The following IVNS1ABP variants were observed in gnomAD, a reference collection of about 807,000 sequenced individuals.
IVNS1ABP encodes the protein influenza virus NS1A-binding protein.
A neutral mutation model predicts 78.9 loss-of-function variants in IVNS1ABP; 25 were observed. The observed-to-expected ratio is 0.32, with a 90% CI of 0.23 to 0.44. The LOEUF (loss-of-function observed/expected upper bound fraction) is 0.44. Among genes scored for constraint, IVNS1ABP ranks in the 20% least tolerant of loss-of-function variants. The pLI is 1.00. For synonymous variants in IVNS1ABP, 241 were observed against 259.7 expected, an observed-to-expected ratio of 0.93 and a Z score of 0.69; for missense variants, 494 against 768.9, an observed-to-expected ratio of 0.64 and a Z score of 4.23.
rs1665428746 is a variant in IVNS1ABP, at chr1:185,296,736, C to T, written c.*1299G>A. ...CCCATTAGGTTCCTGTGTGCTTCAT[C>T]TTCTGTGAGAAAAAAAAACCTTATA... On this transcript the variant is annotated 3_prime_UTR_variant, in exon 15 of 15. Transcript: ENST00000367498. The T allele has an allele frequency of 6.6e-6, 1 of 151,994 alleles. No homozygotes were observed. Among genetic ancestry groups the T allele is most frequent in the East Asian group, 1.9e-4 (1 of 5,176 alleles). 9.4% of individuals were successfully genotyped at this position (151,994 alleles called of 1,614,324 possible). A position where few individuals can be genotyped will look rare whatever the true frequency, so the allele number is the denominator to read the frequency against.
Position 185,305,611 on chromosome 1 carries a change from C to A in IVNS1ABP, c.690G>T (p.Lys230Asn). 1 of 1,613,292 alleles carries A rather than the reference C, an allele frequency of 6.2e-7. No homozygotes were observed. Among genetic ancestry groups the A allele is most frequent in the Non-Finnish European group, 8.5e-7 (1 of 1,179,538 alleles). Residue 230 changes from lysine to asparagine, a missense_variant, in exon 8 of 15, where the codon AAG (lysine) becomes AAT (asparagine). Transcript: ENST00000367498. The surrounding 1 kb of genome is among the most constrained non-coding windows in gnomAD (Gnocchi z 4.0). ...CATCTAGTAGGTTCCCATCAAGCAG[C>A]TTGTGATCAGCTGAGTAGTACAAGG... is the stretch of plus-strand genomic sequence containing the variant. ...VQTLYYSADH[K>N]LLDGNLLDGQ...
At position 185,305,821 on chromosome 1, in the gene IVNS1ABP, A is replaced by C; in HGVS notation, c.658-178T>G. 1.5e-6 allele frequency: 1 copy of C among 670,902 alleles called. No homozygotes were observed. The highest frequency in any genetic ancestry group is 3.5e-5 in the Admixed American group (1 of 28,580). 41.6% of individuals were successfully genotyped at this position (670,902 alleles called of 1,614,324 possible). A position where few individuals can be genotyped will look rare whatever the true frequency, so the allele number is the denominator to read the frequency against. ...ACATGTCATGGTGGTAAAAATTAAAAAACAAAAACAAAAAACCAAAATCAA... is the reference window on the plus strand; with the variant it reads ...ACATGTCATGGTGGTAAAAATTAAACAACAAAAACAAAAAACCAAAATCAA... On this transcript the variant is annotated intron_variant, in intron 7 of 14. Coordinates refer to ENST00000367498, the MANE Select transcript of IVNS1ABP (RefSeq NM_006469.5). This position sits in a 1 kb window ranked among gnomAD's most constrained non-coding sequence, Gnocchi z 4.0.
chr1:185,309,353 T>C (rs770607384), intron 3 of IVNS1ABP, 30 bp downstream of exon 3: 2 of 1,445,072 alleles, frequency 1.4e-6, no homozygotes, highest in South Asian at 2.5e-5. Flanking sequence ...AATAAAAAAT[T>C]CTATAAATTT....
rs1352990343 is a variant in IVNS1ABP, at chr1:185,309,056, A to G, written c.228T>C (p.Asp76=). 3 of 1,613,240 alleles carry G rather than the reference A, an allele frequency of 1.9e-6. No individual in the cohort carries two copies. The highest frequency in any genetic ancestry group is 2.2e-5 in the East Asian group (1 of 44,850). The change falls in exon 4 of 15, where the codon GAT becomes GAC. Residue 76 remains aspartate, a synonymous_variant. Coordinates refer to ENST00000367498, the MANE Select transcript of IVNS1ABP (RefSeq NM_006469.5). ...DPHGISHVKF[D]DLNPEAVEVL... ...CTTCAACAGCTTCTGGATTGAGATC[A>G]TCAAATTTAACGTGAGAAATTCCAT...
intron 2 of IVNS1ABP, among the ~76,000 whole-genome samples, chr1:185,310,642 A>G (rs1665861672): frequency 6.6e-6 from 1 of 152,100 alleles, no homozygotes; most frequent in Non-Finnish European, 1.5e-5. Flanking sequence ...AGGGAGGCCA[A>G]GGCAAGAAGA....
rs1372935861 is a variant in IVNS1ABP at position 185,305,229 on chromosome 1, CACAA to C, written c.765+303_765+306del. 6.6e-6 allele frequency among the ~76,000 whole-genome samples: 1 copy of C among 152,154 alleles called. No homozygotes were observed. Among genetic ancestry groups the C allele is most frequent in the Non-Finnish European group, 1.5e-5 (1 of 68,018 alleles). On this transcript the variant is annotated intron_variant, in intron 8 of 14. Transcript: ENST00000367498. This position sits in a 1 kb window ranked among gnomAD's most constrained non-coding sequence, Gnocchi z 4.0. ...AAAAAAAACTATCAGTCATGCCTGA[CACAA>C]ACAACTGCTTTTCATAATCTTCCCA...
chr1:185,316,715 G>A (rs903434717), intron 1 of IVNS1ABP, among the ~76,000 whole-genome samples: 8 of 152,172 alleles, frequency 5.3e-5, no homozygotes, highest in South Asian at 4.1e-4. Context: ...GGCGACCGGC[G>A]CCCGCTCTCG....
intron 1 of IVNS1ABP, among the ~76,000 whole-genome samples, chr1:185,315,946 C>G (rs1313835812): frequency 2.0e-5 from 3 of 152,180 alleles, no homozygotes; most frequent in African/African-American, 2.4e-5. Context: ...TTTTGGACAT[C>G]TGATTTCTCC....
intron 8 of IVNS1ABP, among the ~76,000 whole-genome samples, chr1:185,301,925 AT>A (rs1665612816): frequency 6.6e-6 from 1 of 152,170 alleles, no homozygotes; most frequent in Non-Finnish European, 1.5e-5. Context: ...AATAGTGTGA[AT>A]TAACAGAGAA....
chr1:185,311,611 C>G (rs1306101547), intron 1 of IVNS1ABP, among the ~76,000 whole-genome samples: 1 of 150,848 alleles, frequency 6.6e-6, no homozygotes, highest in East Asian at 1.9e-4. Context: ...GACTACAAAA[C>G]AAATGTCAAT....
chr1:185,301,273 A>G, intron 9 of IVNS1ABP, 77 bp from the exon 10 acceptor site: 1 of 1,414,728 alleles, frequency 7.1e-7, no homozygotes, highest in Non-Finnish European at 9.9e-7. Flanking sequence ...ATTGGACTCC[A>G]GTCTCCACAT....
Position 185,300,346 on chromosome 1 carries a change from A to G in IVNS1ABP, c.1243-3T>C, listed in dbSNP as rs752990930. ...CCACCTACCACATAGAGCTGGCCCTATGCCAAAAGTGAGAGATGAGAATTT... is the reference window on the plus strand; with the variant it reads ...CCACCTACCACATAGAGCTGGCCCTGTGCCAAAAGTGAGAGATGAGAATTT... On this transcript the variant is annotated splice_polypyrimidine_tract_variant and splice_region_variant and intron_variant, in intron 11 of 14. Transcript: ENST00000367498. The G allele has an allele frequency of 3.7e-6, 6 of 1,613,302 alleles. No individual in the cohort carries two copies. The African/African-American group carries it at 5.3e-5, about 14-fold the overall frequency.
chr1:185,304,447 C>G (rs998865074), intron 8 of IVNS1ABP, among the ~76,000 whole-genome samples: 2 of 152,124 alleles, frequency 1.3e-5, no homozygotes, highest in African/African-American at 4.8e-5. Context: ...TATTCACTCA[C>G]TGTTGCCACA....
intron 8 of IVNS1ABP, among the ~76,000 whole-genome samples, chr1:185,303,432 C>A (rs1038359937): frequency 9.2e-5 from 14 of 152,002 alleles, no homozygotes; most frequent in South Asian, 2.1e-4. Flanking sequence ...CTAATGGCTT[C>A]TTCTCAACCT....
chr1:185,309,791 T>TGAAGG (rs151087648), intron 2 of IVNS1ABP, among the ~76,000 whole-genome samples: 2,439 of 152,204 alleles, frequency 0.016, 27 homozygotes, highest in South Asian at 0.062. Context: ...AAATTCATTC[T>TGAAGG]GAAGGGAAGG....
rs1183107524 is a variant in IVNS1ABP at position 185,305,204 on chromosome 1, A to T, written c.765+332T>A. 7.9e-5 allele frequency among the ~76,000 whole-genome samples: 12 copies of T among 152,088 alleles called. 1 individual carries two copies. In the South Asian group the frequency reaches 1.7e-3, roughly 21 times the overall value. ...AATTTAAGTCCCCCTGCCCCTTTTT[A>T]AAAAAAACTATCAGTCATGCCTGAC... On this transcript the variant is annotated intron_variant, in intron 8 of 14. Transcript: ENST00000367498. The surrounding 1 kb of genome is among the most constrained non-coding windows in gnomAD (Gnocchi z 4.0).
Position 185,297,206 on chromosome 1 carries a change from A to G in IVNS1ABP, c.*829T>C, listed in dbSNP as rs1665443227. The G allele has an allele frequency of 6.6e-6, 1 of 152,164 alleles. No homozygotes were observed. The highest frequency in any genetic ancestry group is 2.4e-5 in the African/African-American group (1 of 41,450). The allele number at this position is 152,164 out of a possible 1,614,324, so 9.4% of individuals were successfully genotyped here. A position where few individuals can be genotyped will look rare whatever the true frequency, so the allele number is the denominator to read the frequency against. ...ATAAAACACCATTTTTTACTGCTAT[A>G]TAATGTCTTGCTATATAAAACATAC... On this transcript the variant is annotated 3_prime_UTR_variant, in exon 15 of 15. Coordinates refer to ENST00000367498, the MANE Select transcript of IVNS1ABP (RefSeq NM_006469.5).
rs1335135353 is a variant in IVNS1ABP at position 185,301,098 on chromosome 1, T to C, written c.994A>G (p.Lys332Glu). The C allele has an allele frequency of 1.2e-6, 2 of 1,613,558 alleles. No homozygotes were observed. Among genetic ancestry groups the C allele is most frequent in the South Asian group, 1.1e-5 (1 of 91,084 alleles). ...SPQSSPTSTP[K>E]LSKSLSFEMQ... ...TCAAAGCTTAAACTCTTACTTAGTT[T>C]TGGAGTACTTGTTGGTGAGCTCTGT... Residue 332 changes from lysine (K) to glutamate (E), a missense_variant, in exon 10 of 15, where the codon AAA becomes GAA. Lys to Glu is a moderately conservative substitution (Grantham distance 56). Transcript: ENST00000367498.
chr1:185,310,320 G>A (rs114488163), intron 2 of IVNS1ABP, among the ~76,000 whole-genome samples: 3,950 of 152,152 alleles, frequency 0.026, 187 homozygotes, highest in African/African-American at 0.089. Context: ...TTAAAAAACA[G>A]TGATAGGCTG....
Sources: gnomAD v4.1 joint callset for allele counts (sites outside exome capture counted in the v4.1 genomes callset) on GRCh38, gnomAD v4.1.1 for gene constraint, Gnocchi (gnomAD v3.1) non-coding constraint, MANE v1.5 for transcripts, NCBI Gene and HGNC (gene_info 2026-07-23, HGNC 2026-07-21) for gene names.